Variants in ANP32A observed in about 807,000 individuals in gnomAD.
ANP32A encodes the protein acidic leucine-rich nuclear phosphoprotein 32 family member A.
ANP32A carries 1 observed loss-of-function variant against 33.9 expected under a neutral mutation model. That is an observed-to-expected ratio of 0.03 (90% confidence interval 0.01 to 0.14). The LOEUF (loss-of-function observed/expected upper bound fraction) is 0.14, where lower values mean the gene tolerates loss of function less well. Among genes scored for constraint, ANP32A ranks in the 10% least tolerant of loss-of-function variants. The pLI is 1.00. For missense variants in ANP32A, 155 were observed against 306.0 expected (o/e 0.51, Z 3.68); for synonymous variants, 115 against 120.5 (o/e 0.95, Z 0.30).
intron 1 of ANP32A, among the ~76,000 whole-genome samples, chr15:68,795,443 C>T (rs759643809): frequency 2.0e-5 from 3 of 152,212 alleles, no homozygotes; most frequent in East Asian, 1.9e-4. Flanking sequence ...CGCGCTGCAG[C>T]GGTAATTAAG....
Position 68,780,569 on chromosome 15 carries a change from C to T in ANP32A, c.625-96G>A, listed in dbSNP as rs28459613. 2,941 of 1,544,246 alleles carry T rather than the reference C, an allele frequency of 1.9e-3. 39 individuals carry two copies. The African/African-American group carries it at 0.036, about 19-fold the overall frequency. On this transcript the variant is annotated intron_variant, in intron 5 of 6. Transcript: ENST00000465139. This position sits in a 1 kb window ranked among gnomAD's most constrained non-coding sequence, Gnocchi z 4.3. ...AGCACAAAAAGGCCGGGGTCACCCCCAGCCTCTCAGAGCCCCCACCAAGAC... is the reference window on the plus strand; with the variant it reads ...AGCACAAAAAGGCCGGGGTCACCCCTAGCCTCTCAGAGCCCCCACCAAGAC...
intron 1 of ANP32A, among the ~76,000 whole-genome samples, chr15:68,806,400 T>A (rs1567038813): frequency 6.6e-6 from 1 of 152,170 alleles, no homozygotes; most frequent in African/African-American, 2.4e-5. Flanking sequence ...TGCCTACACA[T>A]GCCAACTGCC....
At chr15:68,796,877 G>A (rs542171708) in intron 1 of ANP32A, among the ~76,000 whole-genome samples, 2 of 152,092 alleles carry the variant, frequency 1.3e-5, no homozygotes, top group South Asian at 2.1e-4. Flanking sequence ...AAATTCTCTC[G>A]GTACATACAC....
At position 68,795,091 on chromosome 15, in the gene ANP32A, G is replaced by C. The variant is rs190792078; in HGVS notation, c.55-7172C>G. ...TCCCTGCAGCACACACCACCACCAGGCATCAGAACTCACATCCCCAGTGGA... is the reference window on the plus strand; with the variant it reads ...TCCCTGCAGCACACACCACCACCAGCCATCAGAACTCACATCCCCAGTGGA... On this transcript the variant is annotated intron_variant, in intron 1 of 6. Transcript: ENST00000465139. 1.6e-3 allele frequency among the ~76,000 whole-genome samples: 239 copies of C among 152,198 alleles called. 1 individual carries two copies. Among genetic ancestry groups the C allele is most frequent in the Admixed American group, 3.0e-3 (46 of 15,282 alleles).
At position 68,780,734 on chromosome 15, in the gene ANP32A, G is replaced by A. The variant is rs1893857095; in HGVS notation, c.625-261C>T. The A allele has an allele frequency of 2.2e-6, 1 of 445,574 alleles. No homozygotes were observed. The highest frequency in any genetic ancestry group is 3.8e-6 in the Non-Finnish European group (1 of 263,090). 27.6% of individuals were successfully genotyped at this position (445,574 alleles called of 1,614,324 possible). A position where few individuals can be genotyped will look rare whatever the true frequency, so the allele number is the denominator to read the frequency against. On this transcript the variant is annotated intron_variant, in intron 5 of 6. Coordinates refer to ENST00000465139, the MANE Select transcript of ANP32A (RefSeq NM_006305.4). The surrounding 1 kb of genome is among the most constrained non-coding windows in gnomAD (Gnocchi z 4.3). ...TTATAATATTTGCAAGCAGTTTCAG[G>A]GGGTTATGGATTCCAGGACCCAGGT...
chr15:68,780,277 C>T lies in ANP32A; in HGVS notation c.688+133G>A. ...TGGAAACCGAGGCAAGACATCTGCACAGCTGGAAGGGGAATCTGAGGCCTC... is the reference window on the plus strand; with the variant it reads ...TGGAAACCGAGGCAAGACATCTGCATAGCTGGAAGGGGAATCTGAGGCCTC... On this transcript the variant is annotated intron_variant, in intron 6 of 6. Coordinates refer to ENST00000465139, the MANE Select transcript of ANP32A (RefSeq NM_006305.4). The surrounding 1 kb of genome is among the most constrained non-coding windows in gnomAD (Gnocchi z 4.3). The T allele has an allele frequency of 6.4e-7, 1 of 1,564,350 alleles. No homozygotes were observed. Among genetic ancestry groups the T allele is most frequent in the Non-Finnish European group, 8.7e-7 (1 of 1,154,820 alleles).
At chr15:68,795,168 G>A (rs1419115232) in intron 1 of ANP32A, among the ~76,000 whole-genome samples, 1 of 152,106 alleles carries the variant, frequency 6.6e-6, no homozygotes, top group Non-Finnish European at 1.5e-5. Flanking sequence ...TCTGCTAACA[G>A]GAGGCTATTC....
chr15:68,816,352 A>G (rs1304501902), intron 1 of ANP32A, among the ~76,000 whole-genome samples: 1 of 152,226 alleles, frequency 6.6e-6, no homozygotes, highest in African/African-American at 2.4e-5. Flanking sequence ...CACTGGTCAC[A>G]TGATAACCCC....
At chr15:68,782,926 C>G in intron 5 of ANP32A, 30 bp downstream of exon 5, 3 of 1,550,478 alleles carry the variant, frequency 1.9e-6, no homozygotes, top group Non-Finnish European at 2.6e-6. Context: ...AAGGGGCAGA[C>G]GGTGGCCCTG....
chr15:68,820,207 G>A (rs1454455467), intron 1 of ANP32A, among the ~76,000 whole-genome samples: 1 of 152,164 alleles, frequency 6.6e-6, no homozygotes, highest in Admixed American at 6.5e-5. Context: ...CGAGAGAAAG[G>A]GAGGGGGGAG....
chr15:68,793,398 C>A (rs1174467460), intron 1 of ANP32A, among the ~76,000 whole-genome samples: 1 of 152,082 alleles, frequency 6.6e-6, no homozygotes, highest in African/African-American at 2.4e-5. Context: ...GTCAGCTGTG[C>A]ACACTCCCCC....
At chr15:68,782,717 A>G (rs1893884989) in intron 5 of ANP32A, 5 of 627,858 alleles carry the variant, frequency 8.0e-6, no homozygotes, top group South Asian at 6.7e-5. Context: ...CAGCAGGTTC[A>G]GTCCCTGCCT....
chr15:68,818,715 C>G (rs1039363939), intron 1 of ANP32A, among the ~76,000 whole-genome samples: 1 of 152,092 alleles, frequency 6.6e-6, no homozygotes, highest in African/African-American at 2.4e-5. Flanking sequence ...GTTCGCCAGG[C>G]CAGCCGCGCC....
At chr15:68,792,323 A>G (rs902615193) in intron 1 of ANP32A, 1 of 152,168 alleles carries the variant, frequency 6.6e-6, no homozygotes, top group Non-Finnish European at 1.5e-5. Flanking sequence ...AGCTTTTCCA[A>G]CACCCCAAAG....
intron 1 of ANP32A, among the ~76,000 whole-genome samples, chr15:68,795,799 CTACCT>C (rs1894056533): frequency 6.6e-6 from 1 of 152,182 alleles, no homozygotes; most frequent in Non-Finnish European, 1.5e-5. Context: ...AACCTCCTTC[CTACCT>C]TCCAGCTGGT....
At chr15:68,796,544 C>T (rs1308973450) in intron 1 of ANP32A, among the ~76,000 whole-genome samples, 2 of 152,172 alleles carry the variant, frequency 1.3e-5, no homozygotes, top group Non-Finnish European at 2.9e-5. Flanking sequence ...CATGGTTGTT[C>T]CCCTCCTACC....
At chr15:68,815,416 T>C (rs1894367233) in intron 1 of ANP32A, among the ~76,000 whole-genome samples, 1 of 152,202 alleles carries the variant, frequency 6.6e-6, no homozygotes. Flanking sequence ...CAATTTTTTT[T>C]TTGTAACGAG....
rs1893841909 is a variant in ANP32A at position 68,779,850 on chromosome 15, AAGT to A, written c.*228_*230del. The stretch of plus-strand genomic sequence containing the variant: ...GGGACAAAAACCGGACACAAAGAAA[AAGT>A]AGGGGAAAAAAATAAAGAGTGGCAG... On this transcript the variant is annotated 3_prime_UTR_variant, in exon 7 of 7. Transcript: ENST00000465139. The A allele has an allele frequency of 7.5e-6, 4 of 531,226 alleles. No homozygotes were observed. The African/African-American group carries it at 7.6e-5, about 10-fold the overall frequency. The allele number at this position is 531,226 out of a possible 1,614,324, so 32.9% of individuals were successfully genotyped here. A position where few individuals can be genotyped will look rare whatever the true frequency, so the allele number is the denominator to read the frequency against.
At chr15:68,803,952 C>A (rs1022050715) in intron 1 of ANP32A, among the ~76,000 whole-genome samples, 1 of 151,858 alleles carries the variant, frequency 6.6e-6, no homozygotes, top group Admixed American at 6.6e-5. Flanking sequence ...CAGGCGTGCA[C>A]CACCAAGCCC....
Sources: gnomAD v4.1 joint callset for allele counts (sites outside exome capture counted in the v4.1 genomes callset) on GRCh38, gnomAD v4.1.1 for gene constraint, Gnocchi (gnomAD v3.1) non-coding constraint, MANE v1.5 for transcripts, NCBI Gene and HGNC (gene_info 2026-07-23, HGNC 2026-07-21) for gene names.